Variants in MINPP1 observed in about 807,000 individuals in gnomAD.
MINPP1 encodes multiple inositol-polyphosphate phosphatase 1, also known as multiple inositol polyphosphate phosphatase 1.
Under a neutral mutation model 46.1 loss-of-function variants are expected in MINPP1, and 28 were observed. That is an observed-to-expected ratio of 0.61 (90% confidence interval 0.45 to 0.83). The LOEUF (loss-of-function observed/expected upper bound fraction) is 0.83. Ranked by LOEUF, MINPP1 falls within the 40% of genes least tolerant of loss-of-function variation. MINPP1 has a pLI of 0.00. For missense variants in MINPP1, 603 were observed against 610.0 expected (o/e 0.99, Z 0.12); for synonymous variants, 268 against 249.1 (o/e 1.08, Z -0.72).
intron 4 of MINPP1, among the ~76,000 whole-genome samples, chr10:87,522,915 C>T (rs776775159): frequency 2.6e-5 from 4 of 152,220 alleles, no homozygotes; most frequent in Non-Finnish European, 5.9e-5. Context: ...TGCTTTGTCA[C>T]TGTCACAATC....
intron 2 of MINPP1, among the ~76,000 whole-genome samples, chr10:87,511,932 A>C (rs888615699): frequency 1.3e-5 from 2 of 152,200 alleles, no homozygotes; most frequent in Non-Finnish European, 2.9e-5. Context: ...TATATTCCCA[A>C]TGAAATACAT....
chr10:87,552,651 G>A lies in MINPP1; in HGVS notation c.*173G>A, dbSNP rs1273737666. 4 of 645,712 alleles carry A rather than the reference G, an allele frequency of 6.2e-6. No individual in the cohort carries two copies. Among genetic ancestry groups the A allele is most frequent in the Non-Finnish European group, 1.0e-5 (4 of 383,166 alleles). The allele number at this position is 645,712 out of a possible 1,614,324, so 40.0% of individuals were successfully genotyped here. On this transcript the variant is annotated 3_prime_UTR_variant, in exon 5 of 5. Coordinates refer to ENST00000371996, the MANE Select transcript of MINPP1 (RefSeq NM_004897.5). ...GGTTTGGACATGAAATGTAAGAAAAGATTTTTCACTGGAGCAGCTCTCTTA... is the reference window on the plus strand; with the variant it reads ...GGTTTGGACATGAAATGTAAGAAAAAATTTTTCACTGGAGCAGCTCTCTTA...
At chr10:87,520,495 T>C (rs1467077018) in intron 3 of MINPP1, among the ~76,000 whole-genome samples, 1 of 152,132 alleles carries the variant, frequency 6.6e-6, no homozygotes, top group African/African-American at 2.4e-5. Context: ...ACACTTTTAT[T>C]ATTATTTTTT....
intron 4 of MINPP1, among the ~76,000 whole-genome samples, chr10:87,549,116 C>T (rs552971298): frequency 9.8e-4 from 149 of 152,214 alleles, no homozygotes; most frequent in Middle Eastern, 3.4e-3. Flanking sequence ...CTGAAGAATT[C>T]ACTGATTTTA....
intron 4 of MINPP1, among the ~76,000 whole-genome samples, chr10:87,530,627 C>G (rs1319465602): frequency 2.0e-5 from 3 of 152,318 alleles, no homozygotes; most frequent in Middle Eastern, 3.4e-3. Flanking sequence ...GAGGTGCCCC[C>G]CCAGTTAGGC....
intron 4 of MINPP1, among the ~76,000 whole-genome samples, chr10:87,543,597 T>G (rs1200111206): frequency 6.6e-6 from 1 of 152,194 alleles, no homozygotes; most frequent in East Asian, 1.9e-4. Context: ...AAGGTTGCAG[T>G]GAGCTATGAT....
intron 3 of MINPP1, among the ~76,000 whole-genome samples, chr10:87,513,967 A>G (rs1430283928): frequency 2.0e-5 from 3 of 152,166 alleles, no homozygotes; most frequent in African/African-American, 7.2e-5. Flanking sequence ...TGCATTTCCT[A>G]TCACTCAGAC....
At chr10:87,515,707 C>T (rs1851403047) in intron 3 of MINPP1, among the ~76,000 whole-genome samples, 2 of 151,752 alleles carry the variant, frequency 1.3e-5, no homozygotes, top group Admixed American at 6.6e-5. Flanking sequence ...GTGGTAGGAG[C>T]AAAGCTGAAA....
chr10:87,530,986 A>G (rs554708113), intron 4 of MINPP1, among the ~76,000 whole-genome samples: 87 of 152,306 alleles, frequency 5.7e-4, no homozygotes, highest in African/African-American at 2.1e-3. Context: ...CTCTGTGGGC[A>G]TGGGACCCTC....
intron 4 of MINPP1, among the ~76,000 whole-genome samples, chr10:87,550,538 G>A (rs1426640878): frequency 6.6e-6 from 1 of 152,056 alleles, no homozygotes; most frequent in Non-Finnish European, 1.5e-5. Flanking sequence ...TCTTATATAT[G>A]GAAGTTATTC....
At chr10:87,510,361 T>A (rs2131801910) in intron 2 of MINPP1, among the ~76,000 whole-genome samples, 1 of 152,372 alleles carries the variant, frequency 6.6e-6, no homozygotes, top group Non-Finnish European at 1.5e-5. Context: ...CTCATTCTTT[T>A]AAATCCTGTG....
intron 1 of MINPP1, chr10:87,507,926 C>A (rs1851276753): frequency 3.2e-6 from 4 of 1,244,278 alleles, no homozygotes; most frequent in Non-Finnish European, 4.0e-6. Flanking sequence ...ATAAAATACT[C>A]TGTTTAGACT....
intron 1 of MINPP1, among the ~76,000 whole-genome samples, chr10:87,507,574 C>T (rs1404897009): frequency 6.6e-6 from 1 of 151,914 alleles, no homozygotes; most frequent in Non-Finnish European, 1.5e-5. Flanking sequence ...AAATGATATA[C>T]TTGGTGTTCT....
chr10:87,515,169 C>T (rs905752563), intron 3 of MINPP1, among the ~76,000 whole-genome samples: 49 of 151,814 alleles, frequency 3.2e-4, no homozygotes, highest in Non-Finnish European at 5.6e-4. Context: ...GGTGGATCAC[C>T]TGAGGTTAGG....
intron 1 of MINPP1, among the ~76,000 whole-genome samples, chr10:87,506,858 G>A (rs1851259992): frequency 6.6e-6 from 1 of 152,184 alleles, no homozygotes; most frequent in Non-Finnish European, 1.5e-5. Context: ...TCTGTGTCAT[G>A]TTATTGTGGG....
At position 87,552,536 on chromosome 10, in the gene MINPP1, T is replaced by C. The variant is rs573134370; in HGVS notation, c.*58T>C. On this transcript the variant is annotated 3_prime_UTR_variant, in exon 5 of 5. Transcript: ENST00000371996. ...TCTGCAATGAGTGATTACATGCTTG[T>C]AATAGGTAGGCAATTCCTTGATTAC... is the stretch of plus-strand genomic sequence containing the variant. 3.0e-5 allele frequency: 46 copies of C among 1,535,160 alleles called. No individual in the cohort carries two copies. In the Admixed American group the frequency reaches 5.9e-4, roughly 20 times the overall value.
At chr10:87,507,847 T>C in intron 1 of MINPP1, 1 of 1,057,256 alleles carries the variant, frequency 9.5e-7, no homozygotes, top group Non-Finnish European at 1.1e-6. Context: ...TTTGTGCTGC[T>C]GTCAGTAGTT....
chr10:87,551,710 T>C (rs1031775536), intron 4 of MINPP1, among the ~76,000 whole-genome samples: 7 of 152,176 alleles, frequency 4.6e-5, no homozygotes, highest in Admixed American at 3.3e-4. Context: ...GAGTAATATT[T>C]ACTAAGGGCC....
At chr10:87,524,361 G>A (rs570979416) in intron 4 of MINPP1, among the ~76,000 whole-genome samples, 2 of 152,278 alleles carry the variant, frequency 1.3e-5, no homozygotes, top group South Asian at 4.1e-4. Context: ...GAGAGTTAGA[G>A]CCTTGCTGTG....
Sources: allele counts gnomAD v4.1 joint callset (sites outside exome capture counted in the v4.1 genomes callset), GRCh38; gene constraint gnomAD v4.1.1; transcripts MANE v1.5; gene names NCBI Gene and HGNC (gene_info 2026-07-23, HGNC 2026-07-21).